RSL1D1: variants seen among roughly 807,000 people sequenced by gnomAD.
The protein encoded by RSL1D1 is ribosomal L1 domain containing 1, also known as ribosomal L1 domain-containing protein 1.
Under a neutral mutation model 44.6 loss-of-function variants are expected in RSL1D1, and 34 were observed. That is an observed-to-expected ratio of 0.76 (90% confidence interval 0.58 to 1.02). RSL1D1 has a LOEUF of 1.02. Among genes scored for constraint, RSL1D1 ranks in the 50% least tolerant of loss-of-function variants. The pLI is 0.00. For synonymous variants in RSL1D1, 271 were observed against 207.4 expected (o/e 1.31, Z -2.63); for missense variants, 767 against 568.1 (o/e 1.35, Z -3.56).
Position 11,839,974 on chromosome 16 carries a change from T to C in RSL1D1, c.867A>G (p.Arg289=), listed in dbSNP as rs1227086137. The change falls in exon 8 of 9, where the codon AGA becomes AGG. Residue 289 remains arginine, a synonymous_variant. Coordinates refer to ENST00000571133, the MANE Select transcript of RSL1D1 (RefSeq NM_015659.3). ...TTTCAAAATTTCTTTCTCTTCGTTTTCTCCTTGCCTCCTACCAAAAAACAC... is the reference window on the plus strand; with the variant it reads ...TTTCAAAATTTCTTTCTCTTCGTTTCCTCCTTGCCTCCTACCAAAAAACAC... ...LLNKKKKEAR[R]KRRERNFEKQ... is the part of the protein sequence containing the mutation. 1 of 1,611,262 alleles carries C rather than the reference T, an allele frequency of 6.2e-7. No homozygotes were observed. The highest frequency in any genetic ancestry group is 2.2e-5 in the East Asian group (1 of 44,860).
intron 3 of RSL1D1, 133 bp from the exon 4 acceptor site, chr16:11,846,976 A>G: frequency 1.3e-6 from 1 of 759,518 alleles, no homozygotes. Context: ...TGAACACTTG[A>G]GGGCCTAAAA....
At chr16:11,849,623 T>A (rs2053823001) in intron 2 of RSL1D1, among the ~76,000 whole-genome samples, 1 of 152,290 alleles carries the variant, frequency 6.6e-6, no homozygotes, top group African/African-American at 2.4e-5. Context: ...TACAAAGGAA[T>A]AAATTGTAGC....
At position 11,846,585 on chromosome 16, in the gene RSL1D1, T is replaced by G; in HGVS notation, c.551A>C (p.Asn184Thr). Residue 184 changes from asparagine to threonine, a missense_variant, in exon 5 of 9, where the codon AAC (asparagine) becomes ACC (threonine). Physicochemically the swap from Asn to Thr is moderately conservative, Grantham distance 65. Transcript: ENST00000571133. ...TCTTGATAAATTCTTGGACAGAAGG[T>G]TTACAGATACTGGAACTCTACAAAA... is the stretch of plus-strand genomic sequence containing the variant. Reference protein sequence around the residue: ...YQRKKVPVSVNLLSKNLSREI... With the variant: ...YQRKKVPVSVTLLSKNLSREI... 1.2e-6 allele frequency: 2 copies of G among 1,610,030 alleles called. No homozygotes were observed. Among genetic ancestry groups the G allele is most frequent in the Non-Finnish European group, 1.7e-6 (2 of 1,177,164 alleles).
intron 7 of RSL1D1, 30 bp from the exon 8 acceptor site, chr16:11,840,015 G>A: frequency 6.2e-7 from 1 of 1,604,586 alleles, no homozygotes; most frequent in Non-Finnish European, 8.5e-7. Flanking sequence ...AAACATTTTA[G>A]CAGGAACAGT....
chr16:11,842,905 G>A (rs1372884666), intron 5 of RSL1D1, among the ~76,000 whole-genome samples: 2 of 146,732 alleles, frequency 1.4e-5, no homozygotes, highest in African/African-American at 2.5e-5. Flanking sequence ...ACAGGCGCAT[G>A]CCACCACGCC....
intron 5 of RSL1D1, among the ~76,000 whole-genome samples, chr16:11,843,889 A>AAAAT (rs1197271648): frequency 2.7e-5 from 4 of 149,024 alleles, no homozygotes; most frequent in Non-Finnish European, 5.9e-5. Flanking sequence ...AAAAAAAAAA[A>AAAAT]AAAAAAGAGT....
At chr16:11,843,796 G>A (rs1312802842) in intron 5 of RSL1D1, among the ~76,000 whole-genome samples, 5 of 147,144 alleles carry the variant, frequency 3.4e-5, no homozygotes, top group Non-Finnish European at 4.5e-5. Flanking sequence ...GTGTGAACCC[G>A]GCAGGCGGAG....
chr16:11,841,642 C>T (rs1445552208), intron 7 of RSL1D1, 53 bp downstream of exon 7: 1 of 1,529,188 alleles, frequency 6.5e-7, no homozygotes, highest in Non-Finnish European at 8.9e-7. Context: ...CTCCTAGTGA[C>T]TGAATTTACA....
Position 11,847,818 on chromosome 16 carries a change from G to A in RSL1D1, c.246-12C>T, listed in dbSNP as rs1262556138. On this transcript the variant is annotated splice_polypyrimidine_tract_variant and intron_variant, in intron 2 of 8. Coordinates refer to ENST00000571133, the MANE Select transcript of RSL1D1 (RefSeq NM_015659.3). ...TATGAGGCAAGGTCCTACAAAATAC[G>A]TGAAAAGAAACCGAGGAAAGCATTA... 3 of 1,610,554 alleles carry A rather than the reference G, an allele frequency of 1.9e-6. No homozygotes were observed. The highest frequency in any genetic ancestry group is 1.7e-5 in the Admixed American group (1 of 59,256).
At chr16:11,839,376 C>T (rs998659634) in intron 8 of RSL1D1, among the ~76,000 whole-genome samples, 1 of 72,940 alleles carries the variant, frequency 1.4e-5, no homozygotes, top group Non-Finnish European at 2.6e-5. Flanking sequence ...CAAAAAAAAG[C>T]AAAGCAAAAA....
chr16:11,846,394 C>T (rs1444041859), intron 5 of RSL1D1, 107 bp downstream of exon 5: 1 of 482,376 alleles, frequency 2.1e-6, no homozygotes, highest in African/African-American at 2.4e-5. Flanking sequence ...GACTCCATCT[C>T]AAAAAAAAAA....
intron 5 of RSL1D1, among the ~76,000 whole-genome samples, chr16:11,846,277 C>T (rs1458279944): frequency 1.3e-5 from 2 of 151,234 alleles, no homozygotes; most frequent in Admixed American, 1.3e-4. Context: ...CGCCTGTAGT[C>T]CCAGCTACTC....
chr16:11,839,636 T>G, intron 8 of RSL1D1, 59 bp downstream of exon 8: 1 of 1,590,886 alleles, frequency 6.3e-7, no homozygotes, highest in Non-Finnish European at 8.5e-7. Context: ...GCACAGTACC[T>G]GCCTGACACA....
In RSL1D1 at chr16:11,836,145, C is replaced by T. The variant is rs1322746921; in HGVS notation, c.*1642G>A. The T allele has an allele frequency of 6.6e-6, 1 of 152,230 alleles. No homozygotes were observed. Among genetic ancestry groups the T allele is most frequent in the Non-Finnish European group, 1.5e-5 (1 of 68,046 alleles). 9.4% of individuals were successfully genotyped at this position (152,230 alleles called of 1,614,324 possible). A position where few individuals can be genotyped will look rare whatever the true frequency, so the allele number is the denominator to read the frequency against. On this transcript the variant is annotated 3_prime_UTR_variant, in exon 9 of 9. Transcript: ENST00000571133. ...TGCCCTTCTGACCTTCACATTCTCA[C>T]CATCTGTTTCTTTGTTGGATTACCA...
At chr16:11,850,879 G>A (rs2053832422) in intron 1 of RSL1D1, 2 of 172,882 alleles carry the variant, frequency 1.2e-5, no homozygotes, top group South Asian at 1.1e-4. Flanking sequence ...TAGTAGAGAC[G>A]GGGTTTCACC....
chr16:11,839,874 G>A lies in RSL1D1; in HGVS notation c.967C>T (p.Pro323Ser), dbSNP rs1335976636. The stretch of plus-strand genomic sequence containing the variant: ...TTCACTGTAGTATCACCACTTTCAG[G>A]TGCCACATCATCTTTACTAAGAACT... ...ASVLSKDDVA[P>S]ESGDTTVKKP... The change falls in exon 8 of 9, where the codon CCT becomes TCT. Residue 323 changes from proline (P) to serine (S), a missense_variant. Pro to Ser is a moderately conservative substitution (Grantham distance 74, BLOSUM62 -1). Coordinates refer to ENST00000571133, the MANE Select transcript of RSL1D1 (RefSeq NM_015659.3). 1.2e-6 allele frequency: 2 copies of A among 1,614,010 alleles called. No individual in the cohort carries two copies. Among genetic ancestry groups the A allele is most frequent in the South Asian group, 2.2e-5 (2 of 91,070 alleles).
rs1567420737 is a variant in RSL1D1 at position 11,846,856 on chromosome 16, GAGA to G, written c.385-16_385-14del. The stretch of plus-strand genomic sequence containing the variant: ...GGAGGGAGATAATCTAGGAAGTATA[GAGA>G]AGAATAAAAACAAGAAGTTAGGAAT... On this transcript the variant is annotated splice_polypyrimidine_tract_variant and intron_variant, in intron 3 of 8. Transcript: ENST00000571133. 1 of 1,582,026 alleles carries G rather than the reference GAGA, an allele frequency of 6.3e-7. No homozygotes were observed. The highest frequency in any genetic ancestry group is 1.8e-5 in the Admixed American group (1 of 56,244).
In RSL1D1 at chr16:11,834,517, G is replaced by A. The variant is rs571509182; in HGVS notation, c.*3270C>T. On this transcript the variant is annotated 3_prime_UTR_variant, in exon 9 of 9. Transcript: ENST00000571133. ...GTGTTGCAAGATCTTGAACTGACTA[G>A]ATGATAGGATTACAAAAACCACACA... The A allele has an allele frequency of 4.6e-5, 7 of 152,356 alleles. 1 individual carries two copies. The South Asian group carries it at 1.4e-3, about 32-fold the overall frequency. The allele number at this position is 152,356 out of a possible 1,614,324, so 9.4% of individuals were successfully genotyped here.
Position 11,846,493 on chromosome 16 carries a change from TTACC to T in RSL1D1, c.635+4_635+7del. The T allele has an allele frequency of 2.1e-6, 3 of 1,420,120 alleles. No homozygotes were observed. Among genetic ancestry groups the T allele is most frequent in the Non-Finnish European group, 2.9e-6 (3 of 1,022,200 alleles). The allele number at this position is 1,420,120 out of a possible 1,614,324, so 88.0% of individuals were successfully genotyped here. ...TAAAAGAGGCACACATGAATGCCTT[TTACC>T]TACCTGCAAGAACCACTTTTAGAAA... On this transcript the variant is annotated splice_donor_5th_base_variant and intron_variant, in intron 5 of 8. Coordinates refer to ENST00000571133, the MANE Select transcript of RSL1D1 (RefSeq NM_015659.3).
Sources: gnomAD v4.1 joint callset for allele counts (sites outside exome capture counted in the v4.1 genomes callset) on GRCh38, gnomAD v4.1.1 for gene constraint, MANE v1.5 for transcripts, NCBI Gene and HGNC (gene_info 2026-07-23, HGNC 2026-07-21) for gene names.